Variants in SETDB1 observed in about 807,000 individuals in gnomAD.
The protein encoded by SETDB1 is SET domain bifurcated histone lysine methyltransferase 1.
Under a neutral mutation model 137.4 loss-of-function variants are expected in SETDB1, and 31 were observed. The ratio of observed to expected loss-of-function variants is 0.23; its 90% CI spans 0.17 to 0.30. The LOEUF is 0.30. SETDB1 is among the 10% of genes least tolerant of loss of function. The probability of loss-of-function intolerance (pLI) is 1.00; values close to 1 mark genes in which losing one functional copy is unlikely to be tolerated. For synonymous variants in SETDB1, 548 were observed against 579.9 expected (o/e 0.95, Z 0.79); for missense variants, 1,113 against 1,631.5 (o/e 0.68, Z 5.47).
intron 8 of SETDB1, 142 bp downstream of exon 8, chr1:150,944,135 A>C: frequency 1.5e-6 from 1 of 676,826 alleles, no homozygotes; most frequent in Non-Finnish European, 2.7e-6. Context: ...TTTGCTCCCA[A>C]AGGTCAGTTT....
intron 4 of SETDB1, among the ~76,000 whole-genome samples, chr1:150,940,770 C>T (rs1390177728): frequency 2.6e-5 from 4 of 151,728 alleles, no homozygotes; most frequent in African/African-American, 7.3e-5. Context: ...GAGGCTGAGG[C>T]GGGTGGAACA....
intron 18 of SETDB1, 30 bp from the exon 19 acceptor site, chr1:150,962,942 TTC>T: frequency 1.2e-6 from 2 of 1,605,788 alleles, no homozygotes; most frequent in Non-Finnish European, 8.5e-7. Context: ...TCCCATTTAC[TTC>T]TCTTACTTCT....
intron 3 of SETDB1, among the ~76,000 whole-genome samples, chr1:150,933,045 T>TTGAA (rs57070760): frequency 0.34 from 51,753 of 151,052 alleles, 9,180 homozygotes; most frequent in South Asian, 0.51. Flanking sequence ...TTTAGTCTTT[T>TTGAA]TGAATGAATG....
chr1:150,932,918 C>T (rs191470059), intron 3 of SETDB1, among the ~76,000 whole-genome samples: 1 of 152,076 alleles, frequency 6.6e-6, no homozygotes, highest in Non-Finnish European at 1.5e-5. Flanking sequence ...AACTTGGCAT[C>T]ATTTTTAATT....
chr1:150,945,256 T>C (rs1378435391), intron 9 of SETDB1, 148 bp downstream of exon 9: 1 of 1,465,928 alleles, frequency 6.8e-7, no homozygotes, highest in East Asian at 2.5e-5. Flanking sequence ...AAATTTTACT[T>C]TGCCCTTTTT....
At chr1:150,940,631 G>T (rs1360162800) in intron 4 of SETDB1, among the ~76,000 whole-genome samples, 1 of 151,968 alleles carries the variant, frequency 6.6e-6, no homozygotes, top group Non-Finnish European at 1.5e-5. Context: ...ACTTTGGGAG[G>T]CTGAGGCAGG....
chr1:150,953,855 A>G (rs866838120), intron 14 of SETDB1, among the ~76,000 whole-genome samples: 1 of 151,956 alleles, frequency 6.6e-6, no homozygotes, highest in Non-Finnish European at 1.5e-5. Flanking sequence ...AAATTAAAAA[A>G]AAAATTTTTT....
rs1355440780 is a variant in SETDB1 at position 150,942,559 on chromosome 1, A to G, written c.548-4A>G. The G allele has an allele frequency of 3.7e-6, 6 of 1,609,032 alleles. No individual in the cohort carries two copies. Among genetic ancestry groups the G allele is most frequent in the Non-Finnish European group, 5.1e-6 (6 of 1,178,148 alleles). On this transcript the variant is annotated splice_polypyrimidine_tract_variant and splice_region_variant and intron_variant, in intron 5 of 21. Coordinates refer to ENST00000692827, the MANE Select transcript of SETDB1 (RefSeq NM_001366418.1). Reference sequence around the variant, plus strand: ...TCTTGAGAATAACTTTGCTTCTTCTATAGGAACCTTGAGTCAGATGTCTGG... The same window carrying G: ...TCTTGAGAATAACTTTGCTTCTTCTGTAGGAACCTTGAGTCAGATGTCTGG...
intron 16 of SETDB1, chr1:150,961,574 G>C (rs1226296135): frequency 1.2e-5 from 3 of 247,584 alleles, no homozygotes; most frequent in Non-Finnish European, 2.4e-5. Flanking sequence ...AGAATCGCTT[G>C]AACCTGGAGG....
intron 9 of SETDB1, 115 bp from the exon 10 acceptor site, chr1:150,946,771 A>G: frequency 8.2e-7 from 1 of 1,224,002 alleles, no homozygotes; most frequent in Non-Finnish European, 1.2e-6. Context: ...AAGGAATTTA[A>G]GGCTCATCAG....
chr1:150,927,967 G>A lies in SETDB1; in HGVS notation c.253G>A (p.Ala85Thr). 6.2e-7 allele frequency: 1 copy of A among 1,614,012 alleles called. No individual in the cohort carries two copies. The highest frequency in any genetic ancestry group is 8.5e-7 in the Non-Finnish European group (1 of 1,179,856). Residue 85 changes from alanine to threonine, a missense_variant, in exon 2 of 22, where the codon GCA (alanine) becomes ACA (threonine). By Grantham distance (58) the Ala-to-Thr change is moderately conservative. Coordinates refer to ENST00000692827, the MANE Select transcript of SETDB1 (RefSeq NM_001366418.1). ...VAHVDQLFDDASRAVTNCESL... is the reference protein window; with the variant it reads ...VAHVDQLFDDTSRAVTNCESL... ...TCACGTTGACCAACTCTTTGATGAT[G>A]CATCCAGGTGAGAACTCCATGGAAA...
At chr1:150,943,408 G>A (rs898352777) in intron 7 of SETDB1, among the ~76,000 whole-genome samples, 2 of 152,220 alleles carry the variant, frequency 1.3e-5, no homozygotes, top group Non-Finnish European at 2.9e-5. Context: ...CGGGCCCAGT[G>A]TCTCATCCCT....
At chr1:150,957,498 C>G (rs1313941978) in intron 14 of SETDB1, among the ~76,000 whole-genome samples, 1 of 152,148 alleles carries the variant, frequency 6.6e-6, no homozygotes, top group South Asian at 2.1e-4. Context: ...ACTAACTGAG[C>G]TGTTGATACA....
rs145241164 is a variant in SETDB1 at position 150,928,661 on chromosome 1, C to T, written c.260+687C>T. Among the ~76,000 whole-genome samples, 1,292 of 152,272 alleles carry T rather than the reference C, an allele frequency of 8.5e-3. 7 individuals carry two copies. The highest frequency in any genetic ancestry group is 0.012 in the Non-Finnish European group (818 of 68,030). ...TAAGTTCTAGGGTATATGTGCACAACGTGCAGGTTTATTACATATGTATAC... is the reference window on the plus strand; with the variant it reads ...TAAGTTCTAGGGTATATGTGCACAATGTGCAGGTTTATTACATATGTATAC... On this transcript the variant is annotated intron_variant, in intron 2 of 21. Coordinates refer to ENST00000692827, the MANE Select transcript of SETDB1 (RefSeq NM_001366418.1).
rs892456014 is a variant in SETDB1, at chr1:150,959,363, T to C, written c.2503+16T>C. On this transcript the variant is annotated intron_variant, in intron 15 of 21. Transcript: ENST00000692827. ...ATTTATGCAGGTTGGTGATAAAATATAAGGGTTGTTTCCTGAGACTGGGAC... is the reference window on the plus strand; with the variant it reads ...ATTTATGCAGGTTGGTGATAAAATACAAGGGTTGTTTCCTGAGACTGGGAC... 2 of 1,593,746 alleles carry C rather than the reference T, an allele frequency of 1.3e-6. No individual in the cohort carries two copies. Among genetic ancestry groups the C allele is most frequent in the Non-Finnish European group, 1.7e-6 (2 of 1,170,834 alleles).
chr1:150,927,744 G>C lies in SETDB1; in HGVS notation c.30G>C (p.Leu10Phe), dbSNP rs762351212. 6 of 1,613,978 alleles carry C rather than the reference G, an allele frequency of 3.7e-6. No homozygotes were observed. Among genetic ancestry groups the C allele is most frequent in the African/African-American group, 1.3e-5 (1 of 74,936 alleles). The change falls in exon 2 of 22, where the codon TTG becomes TTC. Residue 10 changes from leucine to phenylalanine, a missense_variant. Transcript: ENST00000692827. MSSLPGCIG[L>F]DAATATVESE... is the part of the protein sequence containing the mutation. ...CTTCCCTTCCTGGGTGCATTGGTTT[G>C]GATGCAGCAACAGCTACAGTGGAGT...
chr1:150,943,803 C>G (rs914491202), intron 7 of SETDB1, 117 bp from the exon 8 acceptor site: 5 of 664,678 alleles, frequency 7.5e-6, no homozygotes, highest in African/African-American at 1.8e-5. Flanking sequence ...GGATTGTCTT[C>G]CCTGGAGTGC....
In SETDB1 at chr1:150,960,910, C is replaced by G. The variant is rs746905253; in HGVS notation, c.2851C>G (p.Pro951Ala). 4 of 1,613,304 alleles carry G rather than the reference C, an allele frequency of 2.5e-6. No homozygotes were observed. The highest frequency in any genetic ancestry group is 1.6e-4 in the Middle Eastern group (1 of 6,080). The change falls in exon 16 of 22, where the codon CCA (proline) becomes GCA (alanine). Residue 951 changes from proline (P) to alanine (A), a missense_variant. By Grantham distance (27) the Pro-to-Ala change is conservative (BLOSUM62 -1). Around this residue, in one of 11 missense-constraint regions of SETDB1, gnomAD observed 373 missense variants for 412.7 expected, o/e 0.90. Transcript: ENST00000692827. ...SETTSKDSHPPDLGPPHIPVP... is the reference protein window; with the variant it reads ...SETTSKDSHPADLGPPHIPVP... Reference sequence around the variant, plus strand: ...GACAACTTCCAAGGACTCCCACCCCCCAGATCTTGGACCCCCACATATTCC... The same window carrying G: ...GACAACTTCCAAGGACTCCCACCCCGCAGATCTTGGACCCCCACATATTCC...
chr1:150,928,735 C>T (rs909571727), intron 2 of SETDB1, among the ~76,000 whole-genome samples: 4 of 152,024 alleles, frequency 2.6e-5, no homozygotes, highest in Admixed American at 1.3e-4. Flanking sequence ...CTAATACTAT[C>T]CCTCCCCCTT....
Sources: gnomAD v4.1 joint callset for allele counts (sites outside exome capture counted in the v4.1 genomes callset) on GRCh38, gnomAD v4.1.1 for gene constraint, gnomAD v4.1.1 regional missense constraint, MANE v1.5 for transcripts, NCBI Gene and HGNC (gene_info 2026-07-23, HGNC 2026-07-21) for gene names.